Variants in KLC3 observed in about 807,000 individuals in gnomAD.
KLC3 encodes the protein kinesin light chain 2.
In KLC3, 72 loss-of-function variants were observed where a neutral mutation model predicts 62.9. That is an observed-to-expected ratio of 1.15 (90% CI 0.95 to 1.39). KLC3 has a LOEUF of 1.39. Among genes scored for constraint, KLC3 ranks in the 40% most tolerant of loss-of-function variants. The pLI is 0.00. For missense variants in KLC3, 848 were observed against 691.6 expected (o/e 1.23, Z -2.54); for synonymous variants, 377 against 300.5 (o/e 1.25, Z -2.63).
At position 45,348,631 on chromosome 19, in the gene KLC3, G is replaced by A. The variant is rs1197327820; in HGVS notation, c.780-15G>A. 3 of 1,561,402 alleles carry A rather than the reference G, an allele frequency of 1.9e-6. No individual in the cohort carries two copies. The highest frequency in any genetic ancestry group is 2.4e-5 in the South Asian group (2 of 84,788). ...CCTTGGCTAACCCCCTCCATTCCTG[G>A]GGCGCCCCCCACAGGGACCAGAACA... On this transcript the variant is annotated splice_polypyrimidine_tract_variant and intron_variant, in intron 5 of 12. Coordinates refer to ENST00000391946, the MANE Select transcript of KLC3 (RefSeq NM_177417.3).
At chr19:45,344,124 A>C (rs1971441461) in intron 1 of KLC3, among the ~76,000 whole-genome samples, 1 of 147,620 alleles carries the variant, frequency 6.8e-6, no homozygotes, top group South Asian at 2.1e-4. Flanking sequence ...GAGCCACCGC[A>C]CCCGGCCTAC....
At chr19:45,347,905 C>T in intron 4 of KLC3, 36 bp from the exon 5 acceptor site, 2 of 1,526,410 alleles carry the variant, frequency 1.3e-6, no homozygotes, top group Non-Finnish European at 1.8e-6. Context: ...GGGCAGGAGG[C>T]TTGCAGTGAC....
chr19:45,351,248 TCA>T, intron 12 of KLC3, 36 bp from the exon 13 acceptor site: 1 of 691,836 alleles, frequency 1.4e-6, no homozygotes, highest in African/African-American at 2.1e-5. Context: ...CACTTGCCCC[TCA>T]CCTCCCCTCC....
chr19:45,348,711 C>G lies in KLC3; in HGVS notation c.845C>G (p.Thr282Arg). The change falls in exon 6 of 13, where the codon ACG (threonine) becomes AGG (arginine). Residue 282 changes from threonine (T) to arginine (R), a missense_variant. By Grantham distance (71) the Thr-to-Arg change is moderately conservative. Transcript: ENST00000391946. ...GATGCCCTGCAGATCCGGGAGCAGA[C>G]GCTGGGCCCTGAGCACCCCGCGGTG... ...LHDALQIREQ[T>R]LGPEHPAVAA... The G allele has an allele frequency of 6.3e-7, 1 of 1,594,586 alleles. No homozygotes were observed. Among genetic ancestry groups the G allele is most frequent in the Middle Eastern group, 1.7e-4 (1 of 6,040 alleles).
intron 11 of KLC3, 33 bp downstream of exon 11, chr19:45,350,780 ACAT>A (rs1568528187): frequency 1.9e-6 from 3 of 1,574,750 alleles, no homozygotes; most frequent in Admixed American, 1.8e-5. Flanking sequence ...AAGAGCCCTG[ACAT>A]CAGCAGAATC....
Position 45,345,697 on chromosome 19 carries a change from G to C in KLC3, c.156G>C (p.Leu52=), listed in dbSNP as rs1971474185. 6.4e-7 allele frequency: 1 copy of C among 1,569,952 alleles called. No homozygotes were observed. The highest frequency in any genetic ancestry group is 8.6e-7 in the Non-Finnish European group (1 of 1,158,698). ...HGLAGHLAEA[L]AGQGPAAGLE... ...TGGCTGGGCACCTGGCGGAGGCCCTGGCGGGACAGGGCCCGGCAGCCGGCT... is the reference window on the plus strand; with the variant it reads ...TGGCTGGGCACCTGGCGGAGGCCCTCGCGGGACAGGGCCCGGCAGCCGGCT... The change falls in exon 2 of 13, where the codon CTG becomes CTC. Residue 52 remains leucine, a synonymous_variant. Coordinates refer to ENST00000391946, the MANE Select transcript of KLC3 (RefSeq NM_177417.3).
In KLC3 at chr19:45,349,423, C is replaced by T. The variant is rs1386283608; in HGVS notation, c.970-6C>T. 1.9e-6 allele frequency: 3 copies of T among 1,598,308 alleles called. No homozygotes were observed. The highest frequency in any genetic ancestry group is 1.1e-5 in the South Asian group (1 of 89,724). On this transcript the variant is annotated splice_polypyrimidine_tract_variant and splice_region_variant and intron_variant, in intron 7 of 12. Transcript: ENST00000391946. ...ATCCCTCTGACTTGTGACCCCTGGCCCCCAGGTCCTGGGTGCTGACCACCC... is the reference window on the plus strand; with the variant it reads ...ATCCCTCTGACTTGTGACCCCTGGCTCCCAGGTCCTGGGTGCTGACCACCC...
intron 1 of KLC3, 134 bp from the exon 2 acceptor site, chr19:45,345,400 A>C: frequency 8.5e-7 from 1 of 1,182,504 alleles, no homozygotes; most frequent in Non-Finnish European, 1.2e-6. Context: ...AGGGCTGGCC[A>C]GGATGGGTGG....
intron 5 of KLC3, among the ~76,000 whole-genome samples, chr19:45,348,393 G>A (rs1010318470): frequency 2.6e-5 from 4 of 152,132 alleles, no homozygotes; most frequent in African/African-American, 7.2e-5. Flanking sequence ...CAGAGAGCAC[G>A]GACACCAGGG....
chr19:45,341,613 A>G (rs911907204), intron 1 of KLC3, among the ~76,000 whole-genome samples: 7 of 135,470 alleles, frequency 5.2e-5, no homozygotes, highest in Non-Finnish European at 1.1e-4. Context: ...GTGGCACTGG[A>G]TCAGTGATAG....
At chr19:45,351,065 T>C (rs551561376) in intron 12 of KLC3, 48 bp downstream of exon 12, 4 of 1,613,712 alleles carry the variant, frequency 2.5e-6, no homozygotes, top group Non-Finnish European at 3.4e-6. Context: ...TGTGGGTAGG[T>C]GCAGAGATGA....
intron 3 of KLC3, 161 bp downstream of exon 3, chr19:45,346,935 GC>G: frequency 7.4e-6 from 3 of 403,500 alleles, no homozygotes; most frequent in South Asian, 3.5e-5. Context: ...CCTCCACAGA[GC>G]CCCCAGACCC....
intron 8 of KLC3, 90 bp from the exon 9 acceptor site, chr19:45,350,251 T>C: frequency 2.1e-6 from 2 of 934,038 alleles, no homozygotes; most frequent in Non-Finnish European, 3.2e-6. Flanking sequence ...CCAAGACCCC[T>C]GTCTCTACAA....
intron 1 of KLC3, among the ~76,000 whole-genome samples, chr19:45,344,248 C>A (rs1010228086): frequency 1.5e-4 from 21 of 142,624 alleles, no homozygotes; most frequent in African/African-American, 5.2e-4. Flanking sequence ...AAGTCTCACT[C>A]TGTTGCCCAG....
chr19:45,350,481 C>T (rs1971683896), intron 9 of KLC3, 33 bp from the exon 10 acceptor site: 2 of 1,613,406 alleles, frequency 1.2e-6, no homozygotes, highest in Non-Finnish European at 1.7e-6. Flanking sequence ...TTCTCTATGT[C>T]CCCATCTCAG....
intron 2 of KLC3, 38 bp from the exon 3 acceptor site, chr19:45,346,506 A>G: frequency 2.0e-6 from 3 of 1,488,848 alleles, no homozygotes; most frequent in Non-Finnish European, 1.8e-6. Context: ...CTGGCAGGGC[A>G]GGAACCAACC....
chr19:45,348,925 C>T lies in KLC3; in HGVS notation c.969+4C>T. ...CGCTTTGGAGATCCGAGAGAAGGTCCCATCCCCCTCACCCCACCCCGAGGA... is the reference window on the plus strand; with the variant it reads ...CGCTTTGGAGATCCGAGAGAAGGTCTCATCCCCCTCACCCCACCCCGAGGA... On this transcript the variant is annotated splice_donor_region_variant and intron_variant, in intron 7 of 12. Coordinates refer to ENST00000391946, the MANE Select transcript of KLC3 (RefSeq NM_177417.3). 1.3e-6 allele frequency: 2 copies of T among 1,571,036 alleles called. No homozygotes were observed. Among genetic ancestry groups the T allele is most frequent in the East Asian group, 2.3e-5 (1 of 43,068 alleles).
At position 45,348,992 on chromosome 19, in the gene KLC3, G is replaced by A. The variant is rs1160924987; in HGVS notation, c.969+71G>A. The A allele has an allele frequency of 3.2e-5, 43 of 1,346,034 alleles. No individual in the cohort carries two copies. The Admixed American group carries it at 5.1e-4, about 16-fold the overall frequency. The allele number at this position is 1,346,034 out of a possible 1,614,324, so 83.4% of individuals were successfully genotyped here. A position where few individuals can be genotyped will look rare whatever the true frequency, so the allele number is the denominator to read the frequency against. The stretch of plus-strand genomic sequence containing the variant: ...AGCCCTCCCCAGGGATGCTGAGCAC[G>A]TACATCGTGACCCTGACCCTCGGGC... On this transcript the variant is annotated intron_variant, in intron 7 of 12. Transcript: ENST00000391946.
At chr19:45,343,734 C>T (rs1971434499) in intron 1 of KLC3, among the ~76,000 whole-genome samples, 1 of 152,112 alleles carries the variant, frequency 6.6e-6, no homozygotes, top group Non-Finnish European at 1.5e-5. Flanking sequence ...AGTGTGTTGT[C>T]TTAGGTTGTA....
Sources: gnomAD v4.1 joint callset for allele counts (sites outside exome capture counted in the v4.1 genomes callset) on GRCh38, gnomAD v4.1.1 for gene constraint, MANE v1.5 for transcripts, NCBI Gene and HGNC (gene_info 2026-07-23, HGNC 2026-07-21) for gene names.